The following MIPOL1 variants were observed in gnomAD, a reference collection of about 807,000 sequenced individuals.
MIPOL1 encodes mirror-image polydactyly 1.
In MIPOL1, 57 loss-of-function variants were observed where a neutral mutation model predicts 60.9. The ratio of observed to expected loss-of-function variants is 0.94; its 90% CI spans 0.76 to 1.17. The LOEUF is 1.17. Among genes scored for constraint, MIPOL1 ranks in the 50% most tolerant of loss-of-function variants. MIPOL1 has a pLI of 0.00. For synonymous variants in MIPOL1, 179 were observed against 168.8 expected, an observed-to-expected ratio of 1.06 and a Z score of -0.47; for missense variants, 551 against 511.6, an observed-to-expected ratio of 1.08 and a Z score of -0.74.
intron 11 of MIPOL1, among the ~76,000 whole-genome samples, chr14:37,424,872 TA>T (rs1303587095): frequency 6.6e-6 from 1 of 152,214 alleles, no homozygotes. Context: ...TGATGGCCTC[TA>T]AAAATTCTGA....
At chr14:37,531,834 A>G (rs1426175757) in intron 12 of MIPOL1, among the ~76,000 whole-genome samples, 1 of 152,106 alleles carries the variant, frequency 6.6e-6, no homozygotes, top group African/African-American at 2.4e-5. Context: ...GTAGGTGACT[A>G]TATGGTACAT....
intron 11 of MIPOL1, among the ~76,000 whole-genome samples, chr14:37,432,332 C>T (rs1312242522): frequency 4.6e-5 from 7 of 152,142 alleles, no homozygotes; most frequent in African/African-American, 1.2e-4. Context: ...TGCTTCTGTT[C>T]TTTATGTATA....
intron 12 of MIPOL1, among the ~76,000 whole-genome samples, chr14:37,526,746 T>C (rs1017950371): frequency 6.6e-6 from 1 of 152,024 alleles, no homozygotes; most frequent in African/African-American, 2.4e-5. Flanking sequence ...CTCAAACATA[T>C]TTTTGTGTAG....
intron 10 of MIPOL1, among the ~76,000 whole-genome samples, chr14:37,416,979 G>A (rs1311829399): frequency 2.0e-5 from 3 of 152,086 alleles, no homozygotes; most frequent in Admixed American, 1.3e-4. Flanking sequence ...GCACTGTTAC[G>A]TTTTACAGAT....
chr14:37,484,132 G>A (rs1024411919), intron 11 of MIPOL1, among the ~76,000 whole-genome samples: 3 of 152,196 alleles, frequency 2.0e-5, no homozygotes, highest in South Asian at 2.1e-4. Context: ...TGTCTTTGGC[G>A]TTAGTTTTTT....
intron 11 of MIPOL1, among the ~76,000 whole-genome samples, chr14:37,427,436 G>A (rs2093985306): frequency 6.6e-6 from 1 of 152,102 alleles, no homozygotes; most frequent in South Asian, 2.1e-4. Context: ...TTATAAGAGT[G>A]GGGAATTATA....
chr14:37,313,950 C>G (rs1003671143), intron 9 of MIPOL1, among the ~76,000 whole-genome samples: 1 of 152,100 alleles, frequency 6.6e-6, no homozygotes, highest in Non-Finnish European at 1.5e-5. Context: ...TTTCTGTCTT[C>G]TAGGTGTTAG....
In MIPOL1 at chr14:37,318,216, T is replaced by C. The variant is rs570326984; in HGVS notation, c.828+9697T>C. Among the ~76,000 whole-genome samples, 3 of 152,330 alleles carry C rather than the reference T, an allele frequency of 2.0e-5. No homozygotes were observed. In the East Asian group the frequency reaches 5.8e-4, roughly 29 times the overall value. Reference sequence around the variant, plus strand: ...CTTTAGCAGAGGAAATAATCAAATATCCTAGTGTCTTAACCTCTCCTTTTT... The same window carrying C: ...CTTTAGCAGAGGAAATAATCAAATACCCTAGTGTCTTAACCTCTCCTTTTT... On this transcript the variant is annotated intron_variant, in intron 9 of 12. Transcript: ENST00000684589.
At chr14:37,484,311 T>C (rs2094915620) in intron 11 of MIPOL1, among the ~76,000 whole-genome samples, 1 of 151,320 alleles carries the variant, frequency 6.6e-6, no homozygotes, top group South Asian at 2.1e-4. Flanking sequence ...TCTCCTTCCA[T>C]GACTTTGATG....
intron 1 of MIPOL1, among the ~76,000 whole-genome samples, chr14:37,224,090 C>A (rs1387539244): frequency 6.6e-6 from 1 of 152,186 alleles, no homozygotes; most frequent in Admixed American, 6.5e-5. Flanking sequence ...TAATAAATGG[C>A]AGCACCTGTA....
At chr14:37,219,619 T>A (rs1348957765) in intron 1 of MIPOL1, 1 of 152,264 alleles carries the variant, frequency 6.6e-6, no homozygotes, top group Non-Finnish European at 1.5e-5. Flanking sequence ...CCCCCTGCGT[T>A]GGCCTCCCAA....
intron 10 of MIPOL1, among the ~76,000 whole-genome samples, chr14:37,395,564 C>T (rs2093356042): frequency 6.6e-6 from 1 of 152,090 alleles, no homozygotes; most frequent in African/African-American, 2.4e-5. Flanking sequence ...TGCTTGGTCA[C>T]TGTTGGTTTA....
At chr14:37,499,879 T>C (rs777763632) in intron 11 of MIPOL1, 29 bp from the exon 12 acceptor site, 16 of 1,272,598 alleles carry the variant, frequency 1.3e-5, no homozygotes, top group Non-Finnish European at 1.8e-5. Context: ...ACATTACTTA[T>C]CTTTAAATTT....
At chr14:37,434,579 TAA>T in intron 11 of MIPOL1, 1 of 149,108 alleles carries the variant, frequency 6.7e-6, no homozygotes, top group Non-Finnish European at 1.5e-5. Context: ...AGCACTAATT[TAA>T]AAAAAAAATA....
At chr14:37,349,241 G>A (rs1773787085) in intron 9 of MIPOL1, among the ~76,000 whole-genome samples, 1 of 151,946 alleles carries the variant, frequency 6.6e-6, no homozygotes, top group African/African-American at 2.4e-5. Context: ...ACCCACCTCG[G>A]CCTCCCAAAG....
chr14:37,345,850 A>T (rs1382493350), intron 9 of MIPOL1, among the ~76,000 whole-genome samples: 2 of 152,204 alleles, frequency 1.3e-5, no homozygotes, highest in Non-Finnish European at 2.9e-5. Flanking sequence ...GAACTGCAGA[A>T]TTTTTACTTA....
chr14:37,531,150 A>G (rs2095476813), intron 12 of MIPOL1, among the ~76,000 whole-genome samples: 1 of 152,114 alleles, frequency 6.6e-6, no homozygotes, highest in South Asian at 2.1e-4. Flanking sequence ...TTGTTTAAGA[A>G]GGCACATGAT....
At chr14:37,339,986 TACCTGAAATAAAACCCCTATAAAATA>T in intron 9 of MIPOL1, among the ~76,000 whole-genome samples, 1 of 152,342 alleles carries the variant, frequency 6.6e-6, no homozygotes, top group African/African-American at 2.4e-5. Flanking sequence ...TATGTAATCT[TACCTGAAATAAAACCCCTATAAAATA>T]ATAATTTGGC....
intron 10 of MIPOL1, among the ~76,000 whole-genome samples, chr14:37,392,322 A>G (rs147576476): frequency 0.01 from 1,541 of 152,260 alleles, 29 homozygotes; most frequent in African/African-American, 0.034. Flanking sequence ...AATATTTAGC[A>G]CTATTACAAT....
Sources: allele counts gnomAD v4.1 joint callset (sites outside exome capture counted in the v4.1 genomes callset), GRCh38; gene constraint gnomAD v4.1.1; transcripts MANE v1.5; gene names NCBI Gene and HGNC (gene_info 2026-07-23, HGNC 2026-07-21).